GPR155: variants seen among roughly 807,000 people sequenced by gnomAD.
GPR155 encodes lysosomal cholesterol signaling protein.
A neutral mutation model predicts 93.1 loss-of-function variants in GPR155; 65 were observed. That is an observed-to-expected ratio of 0.70 (90% CI 0.57 to 0.86). The LOEUF (loss-of-function observed/expected upper bound fraction) is 0.86, where lower values mean the gene tolerates loss of function less well. GPR155 is among the 40% of genes least tolerant of loss of function. The pLI is 0.00. For synonymous variants in GPR155, 319 were observed against 360.1 expected, an observed-to-expected ratio of 0.89 and a Z score of 1.29; for missense variants, 838 against 1,034.8, an observed-to-expected ratio of 0.81 and a Z score of 2.61.
Position 174,432,587 on chromosome 2 carries a change from C to T in GPR155, c.*3529G>A, listed in dbSNP as rs1205366079. On this transcript the variant is annotated 3_prime_UTR_variant, in exon 16 of 16. Transcript: ENST00000392552. ...AACAGCAATGAGGCCTTAGACTTAC[C>T]CTTGAGCATTCAGAGTCATAATATG... 1 of 151,990 alleles carries T rather than the reference C, an allele frequency of 6.6e-6. No homozygotes were observed. Among genetic ancestry groups the T allele is most frequent in the African/African-American group, 2.4e-5 (1 of 41,370 alleles). The allele number at this position is 151,990 out of a possible 1,614,324, so 9.4% of individuals were successfully genotyped here. A position where few individuals can be genotyped will look rare whatever the true frequency, so the allele number is the denominator to read the frequency against.
intron 15 of GPR155, among the ~76,000 whole-genome samples, chr2:174,437,645 C>T (rs916357780): frequency 6.9e-5 from 10 of 145,916 alleles, no homozygotes; most frequent in South Asian, 2.1e-4. Context: ...TGCAATGGCA[C>T]GATCTCAGCT....
At chr2:174,480,242 C>T (rs187044659) in intron 2 of GPR155, among the ~76,000 whole-genome samples, 2 of 152,242 alleles carry the variant, frequency 1.3e-5, no homozygotes, top group East Asian at 1.9e-4. Context: ...TATCCTTCTA[C>T]GTGACTTTAT....
intron 15 of GPR155, among the ~76,000 whole-genome samples, chr2:174,436,919 C>A (rs1273205501): frequency 6.6e-6 from 1 of 152,068 alleles, no homozygotes; most frequent in Non-Finnish European, 1.5e-5. Context: ...ATCATAGTGC[C>A]CCACAAGTAG....
intron 15 of GPR155, among the ~76,000 whole-genome samples, chr2:174,439,357 T>C (rs1359533922): frequency 6.6e-6 from 1 of 152,112 alleles, no homozygotes; most frequent in Non-Finnish European, 1.5e-5. Flanking sequence ...TTTTTCCTCA[T>C]CCAAAATTAA....
chr2:174,462,022 A>T (rs1342733629), intron 7 of GPR155, among the ~76,000 whole-genome samples: 2 of 150,186 alleles, frequency 1.3e-5, no homozygotes, highest in Non-Finnish European at 3.0e-5. Context: ...TGCAGCCTTG[A>T]CCTCCAGGGT....
chr2:174,484,733 C>G (rs1273585130), intron 1 of GPR155, among the ~76,000 whole-genome samples: 1 of 152,190 alleles, frequency 6.6e-6, no homozygotes, highest in East Asian at 1.9e-4. Context: ...GAGTTTCAGA[C>G]CAGCCTGGCC....
intron 11 of GPR155, among the ~76,000 whole-genome samples, chr2:174,450,456 G>A (rs1232055611): frequency 2.6e-5 from 4 of 152,006 alleles, no homozygotes; most frequent in African/African-American, 4.8e-5. Context: ...AACTGCACAC[G>A]TACCCACTGA....
At position 174,468,983 on chromosome 2, in the gene GPR155, C is replaced by G; in HGVS notation, c.1111G>C (p.Asp371His). ...SAWLLTFPTM[D>H]PKPLAYAIQN... ...ATGGCATATGCCAATGGCTTAGGGT[C>G]CATAGTGGGAAAGGTCAGTAACCAG... The change falls in exon 5 of 16, where the codon GAC becomes CAC. Residue 371 changes from aspartate (D) to histidine (H), a missense_variant. Asp to His is a moderately conservative substitution (Grantham distance 81). Around this residue, in one of 3 missense-constraint regions of GPR155, gnomAD observed 663 missense variants for 790.1 expected, o/e 0.84. Coordinates refer to ENST00000392552, the MANE Select transcript of GPR155 (RefSeq NM_152529.7). The G allele has an allele frequency of 6.2e-7, 1 of 1,613,850 alleles. No homozygotes were observed.
At position 174,444,732 on chromosome 2, in the gene GPR155, G is replaced by A. The variant is rs187841881; in HGVS notation, c.2109+349C>T. Among the ~76,000 whole-genome samples, 686 of 152,052 alleles carry A rather than the reference G, an allele frequency of 4.5e-3. 15 individuals are homozygous for A. The highest frequency in any genetic ancestry group is 5.6e-3 in the East Asian group (29 of 5,152). ...GCTGGTTTTGAACTCCTGGCCTCAA[G>A]TGACCTGCCCACCTTGGCCTCCCAA... On this transcript the variant is annotated intron_variant, in intron 13 of 15. Transcript: ENST00000392552.
intron 11 of GPR155, among the ~76,000 whole-genome samples, chr2:174,448,089 GTC>G (rs765940939): frequency 6.6e-5 from 10 of 152,128 alleles, no homozygotes; most frequent in Admixed American, 2.6e-4. Flanking sequence ...TAAATGTAAT[GTC>G]TCAGCCAGGC....
Position 174,454,517 on chromosome 2 carries a change from A to G in GPR155, c.1772-676T>C, listed in dbSNP as rs556213445. Among the ~76,000 whole-genome samples the G allele has an allele frequency of 2.0e-5, 3 of 152,142 alleles. No individual in the cohort carries two copies. The South Asian group carries it at 6.2e-4, about 32-fold the overall frequency. On this transcript the variant is annotated intron_variant, in intron 10 of 15. Transcript: ENST00000392552. ...AAAGCTTTTTAAAAAATAGCTGGGC[A>G]TGCTGGCATATGGCTATAGTACAGC... is the stretch of plus-strand genomic sequence containing the variant.
intron 1 of GPR155, among the ~76,000 whole-genome samples, chr2:174,484,964 A>G (rs1222989801): frequency 1.3e-5 from 2 of 152,224 alleles, no homozygotes; most frequent in African/African-American, 2.4e-5. Context: ...TTTTATATAC[A>G]GCTTATCACA....
At chr2:174,450,827 T>C in intron 11 of GPR155, among the ~76,000 whole-genome samples, 1 of 152,228 alleles carries the variant, frequency 6.6e-6, no homozygotes, top group East Asian at 1.9e-4. Flanking sequence ...AAAGGCCATG[T>C]ATACCCATTA....
chr2:174,481,349 T>C, intron 2 of GPR155, 148 bp downstream of exon 2: 1 of 570,660 alleles, frequency 1.8e-6, no homozygotes, highest in Non-Finnish European at 3.0e-6. Context: ...ACTCTGAAGT[T>C]TAGGAAAAAC....
intron 2 of GPR155, among the ~76,000 whole-genome samples, chr2:174,480,328 C>CA (rs1688283341): frequency 6.6e-6 from 1 of 152,060 alleles, no homozygotes; most frequent in African/African-American, 2.4e-5. Flanking sequence ...TTAATATGTG[C>CA]AATAACTTTG....
chr2:174,443,227 A>T (rs971605417), intron 13 of GPR155, among the ~76,000 whole-genome samples: 21 of 152,244 alleles, frequency 1.4e-4, no homozygotes, highest in African/African-American at 5.1e-4. Context: ...CTCTGTGGGC[A>T]TAGCCATTTT....
At chr2:174,469,130 A>G in intron 4 of GPR155, 63 bp from the exon 5 acceptor site, 1 of 1,412,132 alleles carries the variant, frequency 7.1e-7, no homozygotes, top group Non-Finnish European at 1.0e-6. Context: ...TAAACTTTAA[A>G]TAACCACGGC....
intron 10 of GPR155, among the ~76,000 whole-genome samples, chr2:174,456,716 T>C (rs576025243): frequency 6.6e-6 from 1 of 152,186 alleles, no homozygotes; most frequent in Non-Finnish European, 1.5e-5. Context: ...ACTTAATCCA[T>C]CAATAAGGAA....
chr2:174,476,816 T>G (rs1009646910), intron 2 of GPR155, among the ~76,000 whole-genome samples: 1 of 152,126 alleles, frequency 6.6e-6, no homozygotes. Context: ...ATCTCCTTTT[T>G]TTACCTAAAT....
Sources: allele counts gnomAD v4.1 joint callset (sites outside exome capture counted in the v4.1 genomes callset), GRCh38; gene constraint gnomAD v4.1.1; regional missense constraint gnomAD v4.1.1; transcripts MANE v1.5; gene names NCBI Gene and HGNC (gene_info 2026-07-23, HGNC 2026-07-21).